MALRD1: variants seen among roughly 807,000 people sequenced by gnomAD.
MALRD1 encodes the protein MAM and LDL-receptor class A domain-containing protein 1.
MALRD1 carries 247 observed loss-of-function variants against 242.1 expected under a neutral mutation model. The observed-to-expected ratio is 1.02, with a 90% CI of 0.92 to 1.13. MALRD1 has a LOEUF of 1.13. Ranked by LOEUF, MALRD1 falls within the 50% of genes most tolerant of loss-of-function variation. The probability of loss-of-function intolerance (pLI) is 0.00; values close to 1 mark genes in which losing one functional copy is unlikely to be tolerated. For missense variants in MALRD1, 2,989 were observed against 2,533.1 expected (o/e 1.18, Z -3.86); for synonymous variants, 995 against 866.6 (o/e 1.15, Z -2.60).
At chr10:19,062,155 A>G (rs560387904) in intron 1 of MALRD1, among the ~76,000 whole-genome samples, 7 of 152,360 alleles carry the variant, frequency 4.6e-5, no homozygotes, top group African/African-American at 1.4e-4. Context: ...ATGTCCAATA[A>G]GCACATGAAA....
chr10:19,714,838 G>A (rs898642139), intron 38 of MALRD1, among the ~76,000 whole-genome samples: 1 of 152,100 alleles, frequency 6.6e-6, no homozygotes, highest in Admixed American at 6.5e-5. Context: ...GCTCAAGGTG[G>A]GGACACAGCT....
chr10:19,539,899 C>G (rs55859558), intron 32 of MALRD1, among the ~76,000 whole-genome samples: 5 of 70,790 alleles, frequency 7.1e-5, no homozygotes, highest in Non-Finnish European at 1.1e-4. Flanking sequence ...TGTGTGTGTG[C>G]GCGCGCGCGT....
chr10:19,317,989 A>T (rs1156506642), intron 21 of MALRD1, among the ~76,000 whole-genome samples: 3 of 152,038 alleles, frequency 2.0e-5, no homozygotes, highest in Non-Finnish European at 2.9e-5. Context: ...TTAGAAAAAG[A>T]TATGCTTCTA....
At chr10:19,425,102 G>T (rs984706182) in intron 28 of MALRD1, among the ~76,000 whole-genome samples, 2 of 152,038 alleles carry the variant, frequency 1.3e-5, no homozygotes, top group African/African-American at 4.8e-5. Context: ...GTGCTTGGGG[G>T]CCATTTTTTC....
chr10:19,516,018 G>A (rs1470565001), intron 31 of MALRD1, among the ~76,000 whole-genome samples: 1 of 152,110 alleles, frequency 6.6e-6, no homozygotes, highest in Non-Finnish European at 1.5e-5. Flanking sequence ...TAAACAACTA[G>A]CTATCGTCTT....
intron 36 of MALRD1, among the ~76,000 whole-genome samples, chr10:19,629,415 C>A (rs1050533450): frequency 6.6e-6 from 1 of 152,186 alleles, no homozygotes; most frequent in Middle Eastern, 3.4e-3. Flanking sequence ...GAGGCAGTAT[C>A]TAATGCCAGA....
intron 36 of MALRD1, among the ~76,000 whole-genome samples, chr10:19,661,878 A>G (rs1250390048): frequency 6.6e-6 from 1 of 152,164 alleles, no homozygotes; most frequent in Non-Finnish European, 1.5e-5. Context: ...ACCAAGGAAA[A>G]CAGCCTTAAC....
At chr10:19,576,231 T>C (rs902023257) in intron 33 of MALRD1, among the ~76,000 whole-genome samples, 2 of 152,180 alleles carry the variant, frequency 1.3e-5, no homozygotes, top group Non-Finnish European at 2.9e-5. Flanking sequence ...TAATCTCGAA[T>C]ACTCCCTATG....
intron 32 of MALRD1, among the ~76,000 whole-genome samples, chr10:19,557,434 A>G (rs769849070): frequency 2.6e-5 from 4 of 152,056 alleles, no homozygotes; most frequent in Non-Finnish European, 4.4e-5. Flanking sequence ...TTTTAATTCA[A>G]TGAATAATTT....
intron 18 of MALRD1, among the ~76,000 whole-genome samples, chr10:19,231,468 A>G (rs530206146): frequency 6.6e-6 from 1 of 152,126 alleles, no homozygotes; most frequent in African/African-American, 2.4e-5. Flanking sequence ...CTCTGCCTGA[A>G]TCTCACCTTG....
intron 29 of MALRD1, among the ~76,000 whole-genome samples, chr10:19,455,177 T>C (rs1432417818): frequency 6.6e-6 from 1 of 152,170 alleles, no homozygotes; most frequent in African/African-American, 2.4e-5. Context: ...TAAAAATGGT[T>C]TGTACAGAAA....
At chr10:19,603,510 G>T (rs1432479547) in intron 34 of MALRD1, among the ~76,000 whole-genome samples, 1 of 152,116 alleles carries the variant, frequency 6.6e-6, no homozygotes, top group East Asian at 1.9e-4. Context: ...TTGTAGATGT[G>T]TGGTATTATT....
chr10:19,197,935 G>C (rs1836340554), intron 14 of MALRD1, among the ~76,000 whole-genome samples: 1 of 152,082 alleles, frequency 6.6e-6, no homozygotes, highest in African/African-American at 2.4e-5. Context: ...CTAAGTTTTT[G>C]TCGAATGAAT....
At chr10:19,639,079 T>C (rs1840271560) in intron 36 of MALRD1, among the ~76,000 whole-genome samples, 1 of 152,110 alleles carries the variant, frequency 6.6e-6, no homozygotes, top group African/African-American at 2.4e-5. Context: ...AATGGAAGTA[T>C]GGCATGGTCC....
At chr10:19,054,366 T>C (rs768878143) in intron 1 of MALRD1, among the ~76,000 whole-genome samples, 9 of 152,168 alleles carry the variant, frequency 5.9e-5, no homozygotes, top group Non-Finnish European at 1.2e-4. Context: ...TTGCAAAGCA[T>C]TGGAAATCCA....
intron 29 of MALRD1, among the ~76,000 whole-genome samples, chr10:19,477,233 A>C (rs1836779976): frequency 1.3e-5 from 2 of 152,186 alleles, no homozygotes; most frequent in African/African-American, 4.8e-5. Context: ...TTGTTATAGA[A>C]ATTTTTATAC....
intron 36 of MALRD1, among the ~76,000 whole-genome samples, chr10:19,684,000 CT>C (rs552211482): frequency 6.2e-4 from 95 of 152,234 alleles, no homozygotes; most frequent in African/African-American, 2.2e-3. Context: ...CATTGTTCAG[CT>C]CCCACTTATG....
At chr10:19,708,340 CTT>C (rs545136011) in intron 38 of MALRD1, among the ~76,000 whole-genome samples, 11 of 76,064 alleles carry the variant, frequency 1.4e-4, no homozygotes, top group East Asian at 7.8e-4. Context: ...TTTTCTTTTT[CTT>C]TTTTTTTTTT....
intron 35 of MALRD1, among the ~76,000 whole-genome samples, 198 bp from the exon 36 acceptor site, chr10:19,615,659 A>G (rs1271739704): frequency 6.6e-6 from 1 of 152,022 alleles, no homozygotes; most frequent in East Asian, 1.9e-4. Context: ...GCATGAACAC[A>G]TTCAGGGCAG....
Sources: gnomAD v4.1 joint callset for allele counts (sites outside exome capture counted in the v4.1 genomes callset) on GRCh38, gnomAD v4.1.1 for gene constraint, MANE v1.5 for transcripts, NCBI Gene and HGNC (gene_info 2026-07-23, HGNC 2026-07-21) for gene names.